The following SNRPN variants were observed in gnomAD, a reference collection of about 807,000 sequenced individuals.
SNRPN encodes small nuclear ribonucleoprotein-associated protein N.
In SNRPN, 7 loss-of-function variants were observed where a neutral mutation model predicts 25.2. The observed-to-expected ratio is 0.28, with a 90% CI of 0.16 to 0.52. SNRPN has a LOEUF of 0.52. Ranked by LOEUF, SNRPN falls within the 20% of genes least tolerant of loss-of-function variation. The pLI is 0.96. For synonymous variants in SNRPN, 124 were observed against 110.6 expected, an observed-to-expected ratio of 1.12 and a Z score of -0.76; for missense variants, 196 against 322.5, an observed-to-expected ratio of 0.61 and a Z score of 3.00.
intron 1 of SNRPN, among the ~76,000 whole-genome samples, chr15:24,884,829 A>T (rs1329182433): frequency 1.3e-5 from 2 of 152,146 alleles, no homozygotes; most frequent in African/African-American, 4.8e-5. Context: ...AGGGGCCCTG[A>T]CCCAGACCCC....
intron 2 of SNRPN, among the ~76,000 whole-genome samples, chr15:24,831,531 ATTG>A (rs2141557356): frequency 6.6e-6 from 1 of 152,118 alleles, no homozygotes; most frequent in South Asian, 2.1e-4. Context: ...AATGCAATTT[ATTG>A]TTAACTATAG....
intron 2 of SNRPN, among the ~76,000 whole-genome samples, chr15:24,886,919 A>G (rs776876077): frequency 6.6e-6 from 1 of 152,204 alleles, no homozygotes; most frequent in Non-Finnish European, 1.5e-5. Context: ...CTGTGGCCAC[A>G]TCCTCTTTAC....
intron 3 of SNRPN, chr15:24,968,296 C>A: frequency 2.7e-6 from 1 of 370,590 alleles, no homozygotes; most frequent in Non-Finnish European, 4.9e-6. Context: ...GTAGCGCATG[C>A]TTTTCAGGTA....
At chr15:24,964,210 T>A (rs955031111) in intron 2 of SNRPN, among the ~76,000 whole-genome samples, 1 of 152,232 alleles carries the variant, frequency 6.6e-6, no homozygotes, top group East Asian at 1.9e-4. Context: ...ACGTTTTGTT[T>A]GTATATTGGT....
At position 24,928,595 on chromosome 15, in the gene SNRPN, C is replaced by G. The variant is rs572919844; in HGVS notation, c.-391+8471C>G. ...AAAAAATTGTCATTCTACAGTGCTG[C>G]AGAACATTAGAACTTGTTTTCTCTA... On this transcript the variant is annotated intron_variant, in intron 3 of 11. Coordinates refer to the SNRPN transcript ENST00000400097. 3.3e-4 allele frequency among the ~76,000 whole-genome samples: 50 copies of G among 152,130 alleles called. No individual in the cohort carries two copies. In the South Asian group the frequency reaches 9.8e-3, roughly 30 times the overall value.
At chr15:24,890,949 C>T (rs1024557381) in intron 2 of SNRPN, among the ~76,000 whole-genome samples, 5 of 152,036 alleles carry the variant, frequency 3.3e-5, no homozygotes, top group African/African-American at 1.2e-4. Context: ...CTCGTTCTAT[C>T]GCCCAGGCTG....
chr15:24,966,635 C>G (rs1278673515), intron 2 of SNRPN, among the ~76,000 whole-genome samples: 1 of 152,252 alleles, frequency 6.6e-6, no homozygotes, highest in Admixed American at 6.5e-5. Flanking sequence ...AGGGACCCAC[C>G]TTGAGTAACA....
intron 1 of SNRPN, among the ~76,000 whole-genome samples, chr15:24,883,685 A>G (rs1252777301): frequency 6.6e-6 from 1 of 152,138 alleles, no homozygotes; most frequent in Non-Finnish European, 1.5e-5. Context: ...ATATGATTAT[A>G]ATAATATTAG....
chr15:24,943,205 C>T (rs1343332184), intron 3 of SNRPN, among the ~76,000 whole-genome samples: 1 of 152,066 alleles, frequency 6.6e-6, no homozygotes, highest in Non-Finnish European at 1.5e-5. Context: ...TATGTCCTTC[C>T]AAACAAAATA....
chr15:24,947,885 C>G (rs929541079), intron 3 of SNRPN, among the ~76,000 whole-genome samples: 3 of 151,868 alleles, frequency 2.0e-5, no homozygotes, highest in Non-Finnish European at 1.5e-5. Flanking sequence ...CTCAATCTAC[C>G]ACTCACTTTT....
At chr15:24,935,914 G>GTGATCC (rs1234389415) in intron 3 of SNRPN, among the ~76,000 whole-genome samples, 1 of 152,020 alleles carries the variant, frequency 6.6e-6, no homozygotes, top group East Asian at 1.9e-4. Flanking sequence ...GTCAGTTCAA[G>GTGATCC]ACCAGCCTGG....
intron 1 of SNRPN, among the ~76,000 whole-genome samples, chr15:24,885,482 A>G (rs1456950681): frequency 6.6e-6 from 1 of 152,212 alleles, no homozygotes; most frequent in Non-Finnish European, 1.5e-5. Context: ...AGACTTGGAA[A>G]CAGTTTTATG....
chr15:24,837,730 A>AT (rs147689924), intron 2 of SNRPN, among the ~76,000 whole-genome samples: 8,701 of 138,944 alleles, frequency 0.063, 295 homozygotes, highest in Middle Eastern at 0.19. Context: ...AACTCTTTAA[A>AT]TTTTTTTTTT....
intron 1 of SNRPN, among the ~76,000 whole-genome samples, chr15:24,883,443 A>C (rs2056916329): frequency 6.6e-6 from 1 of 152,164 alleles, no homozygotes; most frequent in Non-Finnish European, 1.5e-5. Flanking sequence ...TGGGTGGCTC[A>C]GGGCCAGTTT....
intron 2 of SNRPN, chr15:24,848,562 T>C (rs2167926): frequency 0.14 from 21,641 of 152,218 alleles, 1,771 homozygotes; most frequent in African/African-American, 0.22. Flanking sequence ...TTTATAGTTA[T>C]ATAAACATTG....
intron 3 of SNRPN, 117 bp from the exon 4 acceptor site, chr15:24,974,194 G>A (rs969377667): frequency 3.1e-5 from 16 of 508,734 alleles, no homozygotes; most frequent in African/African-American, 7.8e-5. Flanking sequence ...GAGGAAGCTA[G>A]TATGAGAGGA....
At chr15:24,919,786 G>C (rs2059929630) in intron 2 of SNRPN, among the ~76,000 whole-genome samples, 1 of 152,168 alleles carries the variant, frequency 6.6e-6, no homozygotes, top group African/African-American at 2.4e-5. Flanking sequence ...ATTTGACAAG[G>C]AAGTGCACAG....
intron 3 of SNRPN, among the ~76,000 whole-genome samples, chr15:24,937,100 G>A (rs1469511795): frequency 1.3e-5 from 2 of 151,930 alleles, no homozygotes; most frequent in Non-Finnish European, 2.9e-5. Flanking sequence ...AATTAGCTGG[G>A]CATGGTGGTG....
chr15:24,945,568 C>A (rs1306053057), intron 3 of SNRPN, among the ~76,000 whole-genome samples: 1 of 151,920 alleles, frequency 6.6e-6, no homozygotes, highest in African/African-American at 2.4e-5. Context: ...AAAAAATATA[C>A]AGGCAGCAGG....
Sources: gnomAD v4.1 joint callset for allele counts (sites outside exome capture counted in the v4.1 genomes callset) on GRCh38, gnomAD v4.1.1 for gene constraint, MANE v1.5 for transcripts, NCBI Gene and HGNC (gene_info 2026-07-23, HGNC 2026-07-21) for gene names.